The following MYO3B variants were observed in gnomAD, a reference collection of about 807,000 sequenced individuals.
MYO3B encodes myosin-IIIb.
In MYO3B, 156 loss-of-function variants were observed where a neutral mutation model predicts 174.6. The observed-to-expected ratio is 0.89, with a 90% CI of 0.78 to 1.02. The LOEUF is 1.02. Among genes scored for constraint, MYO3B ranks in the 50% least tolerant of loss-of-function variants. The pLI is 0.00. For synonymous variants in MYO3B, 563 were observed against 569.1 expected (o/e 0.99, Z 0.15); for missense variants, 1,632 against 1,639.4 (o/e 1.00, Z 0.08).
chr2:170,513,790 A>G (rs1043717251), intron 28 of MYO3B, among the ~76,000 whole-genome samples: 1 of 152,138 alleles, frequency 6.6e-6, no homozygotes, highest in East Asian at 1.9e-4. Context: ...TGGCCACTTG[A>G]AAGGATTGGA....
intron 32 of MYO3B, among the ~76,000 whole-genome samples, chr2:170,608,174 C>T (rs1307932502): frequency 3.9e-5 from 6 of 152,184 alleles, no homozygotes; most frequent in Non-Finnish European, 8.8e-5. Flanking sequence ...GGCCACTGCA[C>T]TACAGCCTAG....
chr2:170,453,453 C>CACACACACGAGA (rs749891550), intron 23 of MYO3B, among the ~76,000 whole-genome samples: 1 of 122,970 alleles, frequency 8.1e-6, no homozygotes, highest in African/African-American at 2.9e-5. Context: ...CACACACACA[C>CACACACACGAGA]GAGAGAGAGA....
chr2:170,624,406 C>G (rs6714866), intron 32 of MYO3B, among the ~76,000 whole-genome samples: 1 of 151,896 alleles, frequency 6.6e-6, no homozygotes, highest in African/African-American at 2.4e-5. Context: ...GATTTTTGCA[C>G]GTTGATTTTG....
chr2:170,570,742 A>C (rs1250617731), intron 32 of MYO3B, among the ~76,000 whole-genome samples: 2 of 151,508 alleles, frequency 1.3e-5, no homozygotes, highest in Non-Finnish European at 2.9e-5. Context: ...TTTGCGCGTT[A>C]TTCTGGCCTT....
intron 8 of MYO3B, among the ~76,000 whole-genome samples, chr2:170,356,777 A>ATTTTTTTTTTTTTTTTTTTTTT (rs2094124751): frequency 6.6e-6 from 1 of 151,870 alleles, no homozygotes; most frequent in South Asian, 2.1e-4. Context: ...TTTTATTTTT[A>ATTTTTTTTTTTTTTTTTTTTTT]TCTTTAAAAA....
At chr2:170,310,738 T>C (rs1482331403) in intron 7 of MYO3B, among the ~76,000 whole-genome samples, 2 of 148,558 alleles carry the variant, frequency 1.3e-5, no homozygotes, top group Non-Finnish European at 3.0e-5. Flanking sequence ...AGGTGGGGGA[T>C]GGTTCCAGGC....
chr2:170,604,154 CTTG>C (rs1694678738), intron 32 of MYO3B, among the ~76,000 whole-genome samples: 1 of 152,236 alleles, frequency 6.6e-6, no homozygotes, highest in South Asian at 2.1e-4. Context: ...AGAACATATC[CTTG>C]TTGTTAAGCG....
At chr2:170,501,695 C>A (rs1687279432) in intron 27 of MYO3B, 90 bp from the exon 28 acceptor site, 1 of 801,348 alleles carries the variant, frequency 1.2e-6, no homozygotes, top group African/African-American at 1.7e-5. Context: ...ATGAGACGGG[C>A]AATAGGCTGG....
chr2:170,332,886 C>A (rs2093921717), intron 7 of MYO3B, among the ~76,000 whole-genome samples: 1 of 152,148 alleles, frequency 6.6e-6, no homozygotes, highest in Non-Finnish European at 1.5e-5. Context: ...CCATCCATTT[C>A]ATATTGGACC....
At chr2:170,217,913 A>T (rs1003583222) in intron 6 of MYO3B, among the ~76,000 whole-genome samples, 2 of 152,146 alleles carry the variant, frequency 1.3e-5, no homozygotes, top group African/African-American at 4.8e-5. Flanking sequence ...TCATCACAGA[A>T]CTCTCTGGAA....
chr2:170,316,598 G>C (rs73016910), intron 7 of MYO3B, among the ~76,000 whole-genome samples: 1 of 152,150 alleles, frequency 6.6e-6, no homozygotes, highest in African/African-American at 2.4e-5. Flanking sequence ...TAGCTAGTCA[G>C]CAGGTACTTC....
intron 25 of MYO3B, among the ~76,000 whole-genome samples, chr2:170,488,803 T>C (rs1254025075): frequency 1.3e-5 from 2 of 152,232 alleles, no homozygotes; most frequent in Non-Finnish European, 2.9e-5. Context: ...TCTAATAATC[T>C]GATAACTCAG....
At chr2:170,402,738 A>G (rs2094485851) in intron 18 of MYO3B, 110 bp from the exon 19 acceptor site, 1 of 999,244 alleles carries the variant, frequency 1.0e-6, no homozygotes, top group Non-Finnish European at 1.4e-6. Flanking sequence ...GCTTTCCATG[A>G]GTGGGTGAAT....
chr2:170,425,847 A>G (rs187394058), intron 22 of MYO3B, among the ~76,000 whole-genome samples: 185 of 152,336 alleles, frequency 1.2e-3, no homozygotes, highest in African/African-American at 4.4e-3. Flanking sequence ...ACCTTGAGCA[A>G]GAGTCTTGAA....
chr2:170,412,449 C>G (rs1558976395), intron 22 of MYO3B: 1 of 152,162 alleles, frequency 6.6e-6, no homozygotes, highest in Non-Finnish European at 1.5e-5. Flanking sequence ...CCCTCATTGC[C>G]TTCTTCTGTC....
At chr2:170,477,145 C>A (rs183873844) in intron 25 of MYO3B, among the ~76,000 whole-genome samples, 29 of 152,314 alleles carry the variant, frequency 1.9e-4, no homozygotes, top group African/African-American at 6.7e-4. Flanking sequence ...CCTCACATAG[C>A]CTAGACTGCT....
intron 32 of MYO3B, among the ~76,000 whole-genome samples, chr2:170,557,094 ACTTTT>A (rs900367567): frequency 2.0e-5 from 3 of 149,488 alleles, no homozygotes. Context: ...TTTCTTTCCA[ACTTTT>A]CTTTTAGGTT....
At chr2:170,259,976 C>G (rs1397023881) in intron 7 of MYO3B, among the ~76,000 whole-genome samples, 2 of 151,466 alleles carry the variant, frequency 1.3e-5, no homozygotes, top group Non-Finnish European at 2.9e-5. Context: ...AAAAAAAGCT[C>G]AACACCACTA....
At chr2:170,238,259 A>G (rs1309816172) in intron 7 of MYO3B, among the ~76,000 whole-genome samples, 2 of 152,250 alleles carry the variant, frequency 1.3e-5, no homozygotes, top group Non-Finnish European at 2.9e-5. Context: ...TGAAAAGTAC[A>G]GAAATTAAGC....
Sources: allele counts gnomAD v4.1 joint callset (sites outside exome capture counted in the v4.1 genomes callset), GRCh38; gene constraint gnomAD v4.1.1; transcripts MANE v1.5; gene names NCBI Gene and HGNC (gene_info 2026-07-23, HGNC 2026-07-21).